Variants in TP63 observed in about 807,000 individuals in gnomAD.
TP63 encodes tumor protein 63.
In TP63, 17 loss-of-function variants were observed where a neutral mutation model predicts 82.8. The ratio of observed to expected loss-of-function variants is 0.21; its 90% CI spans 0.14 to 0.31. The LOEUF (loss-of-function observed/expected upper bound fraction) is 0.31. Among genes scored for constraint, TP63 ranks in the 10% least tolerant of loss-of-function variants. TP63 has a pLI of 1.00. For missense variants in TP63, 648 were observed against 895.3 expected (o/e 0.72, Z 3.52); for synonymous variants, 330 against 321.7 (o/e 1.03, Z -0.28).
intron 3 of TP63, among the ~76,000 whole-genome samples, chr3:189,793,309 G>C (rs966537338): frequency 6.6e-6 from 1 of 152,020 alleles, no homozygotes; most frequent in Non-Finnish European, 1.5e-5. Context: ...TTTTAGAAGA[G>C]CAGTGATTCT....
chr3:189,720,370 A>G lies in TP63; in HGVS notation c.63-17370A>G, dbSNP rs1054047331. On this transcript the variant is annotated intron_variant, in intron 1 of 13. Transcript: ENST00000264731. ...TTAAGTATATTTCATTTACTTGTGAAAAAACTTCTCATACATTGTACATAG... is the reference window on the plus strand; with the variant it reads ...TTAAGTATATTTCATTTACTTGTGAGAAAACTTCTCATACATTGTACATAG... Among the ~76,000 whole-genome samples, 6 of 152,164 alleles carry G rather than the reference A, an allele frequency of 3.9e-5. No individual in the cohort carries two copies. In the South Asian group the frequency reaches 1.0e-3, roughly 26 times the overall value.
At position 189,695,128 on chromosome 3, in the gene TP63, A is replaced by T. The variant is rs954552786; in HGVS notation, c.63-42612A>T. Among the ~76,000 whole-genome samples, 4 of 151,932 alleles carry T rather than the reference A, an allele frequency of 2.6e-5. No individual in the cohort carries two copies. The East Asian group carries it at 7.7e-4, about 29-fold the overall frequency. On this transcript the variant is annotated intron_variant, in intron 1 of 13. Transcript: ENST00000264731. ...TAGAATATCTACCTAAATTATTTGG[A>T]ATTTTTCTGCATGGGAGACGTCTTT...
At chr3:189,791,897 T>TTGCTTTTTCTG (rs1725180032) in intron 3 of TP63, among the ~76,000 whole-genome samples, 1 of 152,004 alleles carries the variant, frequency 6.6e-6, no homozygotes, top group Non-Finnish European at 1.5e-5. Context: ...GGATTTATGT[T>TTGCTTTTTCTG]TATTAGTAAC....
the TP63 span, among the ~76,000 whole-genome samples, chr3:189,624,959 A>G: frequency 6.6e-6 from 1 of 152,196 alleles, no homozygotes; most frequent in Non-Finnish European, 1.5e-5. Context: ...CTCAAACCCA[A>G]ACTAAAAGTA....
intron 4 of TP63, among the ~76,000 whole-genome samples, chr3:189,820,068 T>G (rs188957076): frequency 6.6e-6 from 1 of 152,296 alleles, no homozygotes; most frequent in Non-Finnish European, 1.5e-5. Flanking sequence ...TTTTATCTAT[T>G]GTCAATGACT....
chr3:189,890,691 A>T (rs1446527877), intron 12 of TP63, 98 bp from the exon 13 acceptor site: 2 of 1,144,310 alleles, frequency 1.7e-6, no homozygotes, highest in African/African-American at 3.0e-5. Flanking sequence ...GGGGCATCCA[A>T]GGGCAAAATA....
chr3:189,761,820 C>T (rs1446880461), intron 3 of TP63, among the ~76,000 whole-genome samples: 1 of 152,184 alleles, frequency 6.6e-6, no homozygotes, highest in African/African-American at 2.4e-5. Flanking sequence ...CTGGGGAGGC[C>T]TCACAATCAT....
At chr3:189,773,663 A>G (rs897029471) in intron 3 of TP63, among the ~76,000 whole-genome samples, 1 of 152,106 alleles carries the variant, frequency 6.6e-6, no homozygotes, top group Non-Finnish European at 1.5e-5. Flanking sequence ...TCATTAAATC[A>G]CCAAATATAA....
chr3:189,858,253 A>C (rs1716550068), intron 4 of TP63, among the ~76,000 whole-genome samples: 1 of 59,202 alleles, frequency 1.7e-5, no homozygotes, highest in Non-Finnish European at 3.5e-5. Context: ...AAAATACAAA[A>C]AATTAGCCGG....
At chr3:189,738,801 T>C in intron 3 of TP63, 27 bp downstream of exon 3, 1 of 1,613,414 alleles carries the variant, frequency 6.2e-7, no homozygotes, top group Non-Finnish European at 8.5e-7. Context: ...TTCTCTTCAG[T>C]CTTTGGGCCA....
At chr3:189,655,992 T>G (rs1253280996) in intron 1 of TP63, among the ~76,000 whole-genome samples, 1 of 152,176 alleles carries the variant, frequency 6.6e-6, no homozygotes, top group Non-Finnish European at 1.5e-5. Context: ...AGAAGGAAAT[T>G]CTTCCTGACT....
intron 4 of TP63, among the ~76,000 whole-genome samples, chr3:189,859,980 G>T (rs974019507): frequency 1.3e-5 from 2 of 152,146 alleles, no homozygotes; most frequent in African/African-American, 2.4e-5. Flanking sequence ...GGGAGGGGAT[G>T]AACTGCAAAG....
intron 3 of TP63, among the ~76,000 whole-genome samples, chr3:189,774,883 G>A (rs1006345816): frequency 1.3e-5 from 2 of 152,126 alleles, no homozygotes; most frequent in Non-Finnish European, 2.9e-5. Context: ...CAAGACTTAG[G>A]TACGCGGTTG....
Position 189,719,135 on chromosome 3 carries a change from G to A in TP63, c.63-18605G>A, listed in dbSNP as rs532188097. On this transcript the variant is annotated intron_variant, in intron 1 of 13. Transcript: ENST00000264731. ...GCAGACAAGGACAAAAGCCATAGACGCACGAAGGAAAAACCTGCCCACAGA... is the reference window on the plus strand; with the variant it reads ...GCAGACAAGGACAAAAGCCATAGACACACGAAGGAAAAACCTGCCCACAGA... Among the ~76,000 whole-genome samples the A allele has an allele frequency of 2.4e-4, 36 of 152,182 alleles. No individual in the cohort carries two copies. The South Asian group carries it at 6.2e-3, about 26-fold the overall frequency.
intron 3 of TP63, among the ~76,000 whole-genome samples, chr3:189,757,988 G>T (rs547565540): frequency 6.6e-6 from 1 of 152,258 alleles, no homozygotes; most frequent in East Asian, 1.9e-4. Flanking sequence ...ACTAGTATAT[G>T]ACCTTCTAGG....
chr3:189,817,750 G>A (rs1457002389), intron 4 of TP63, among the ~76,000 whole-genome samples: 1 of 151,838 alleles, frequency 6.6e-6, no homozygotes, highest in African/African-American at 2.4e-5. Flanking sequence ...TTTTTCTGAT[G>A]TAAAAGAGTT....
intron 4 of TP63, among the ~76,000 whole-genome samples, chr3:189,843,183 A>G (rs1258193059): frequency 6.6e-6 from 1 of 152,266 alleles, no homozygotes; most frequent in South Asian, 2.1e-4. Flanking sequence ...AAAGCTGGCT[A>G]TGGCCTCCCC....
At chr3:189,725,107 A>G (rs991175780) in intron 1 of TP63, among the ~76,000 whole-genome samples, 3 of 152,214 alleles carry the variant, frequency 2.0e-5, no homozygotes, top group African/African-American at 7.2e-5. Context: ...TCATTGTGAA[A>G]AAAAGTCTAA....
At chr3:189,774,143 C>G (rs546589749) in intron 3 of TP63, among the ~76,000 whole-genome samples, 11 of 151,910 alleles carry the variant, frequency 7.2e-5, no homozygotes, top group African/African-American at 2.7e-4. Flanking sequence ...AGGATGGTCT[C>G]GATCTCCTGA....
Sources: gnomAD v4.1 joint callset for allele counts (sites outside exome capture counted in the v4.1 genomes callset) on GRCh38, gnomAD v4.1.1 for gene constraint, MANE v1.5 for transcripts, NCBI Gene and HGNC (gene_info 2026-07-23, HGNC 2026-07-21) for gene names.